PIEZO2: variants seen among roughly 807,000 people sequenced by gnomAD.
The protein encoded by PIEZO2 is piezo type mechanosensitive ion channel component 2, also known as piezo-type mechanosensitive ion channel component 2.
A neutral mutation model predicts 337.3 loss-of-function variants in PIEZO2; 172 were observed. That is an observed-to-expected ratio of 0.51 (90% CI 0.45 to 0.58). The LOEUF is 0.58. Among genes scored for constraint, PIEZO2 ranks in the 20% least tolerant of loss-of-function variants. The pLI, the probability that PIEZO2 is intolerant of heterozygous loss-of-function variation, is 0.00. For synonymous variants in PIEZO2, 1,251 were observed against 1,228.5 expected (o/e 1.02, Z -0.38); for missense variants, 3,028 against 3,391.3 (o/e 0.89, Z 2.66).
intron 27 of PIEZO2, among the ~76,000 whole-genome samples, chr18:10,756,420 G>T (rs2037852428): frequency 1.3e-5 from 2 of 148,822 alleles, no homozygotes; most frequent in Non-Finnish European, 3.0e-5. Context: ...AGAGGAGAAG[G>T]ATGGATGGAA....
chr18:10,854,893 A>G lies in PIEZO2; in HGVS notation c.917+460T>C, dbSNP rs1310142430. ...CATGCCCAGCTAATTTTTTTTGTAG[A>G]ATGGGGTTTCACCATGTTGCCCAGG... On this transcript the variant is annotated intron_variant, in intron 7 of 55. Coordinates refer to ENST00000674853, the MANE Select transcript of PIEZO2 (RefSeq NM_001378183.1). This position sits in a 1 kb window ranked among gnomAD's most constrained non-coding sequence, Gnocchi z 4.6. Among the ~76,000 whole-genome samples, 1 of 152,066 alleles carries G rather than the reference A, an allele frequency of 6.6e-6. No homozygotes were observed. The highest frequency in any genetic ancestry group is 1.9e-4 in the East Asian group (1 of 5,186).
At chr18:10,906,101 G>C (rs938156455) in intron 4 of PIEZO2, among the ~76,000 whole-genome samples, 6 of 152,134 alleles carry the variant, frequency 3.9e-5, no homozygotes, top group African/African-American at 1.4e-4. Context: ...AAAAGACAGA[G>C]CTAGGCCTTT....
intron 4 of PIEZO2, among the ~76,000 whole-genome samples, chr18:10,909,219 G>A (rs1056541152): frequency 2.0e-5 from 3 of 152,158 alleles, no homozygotes; most frequent in Non-Finnish European, 1.5e-5. Flanking sequence ...CATGAAATGA[G>A]GGATTAGAAT....
rs550501566 is a variant in PIEZO2, at chr18:11,021,145, A to G, written c.161-41485T>C. On this transcript the variant is annotated intron_variant, in intron 2 of 55. Transcript: ENST00000674853. The surrounding 1 kb of genome is among the most constrained non-coding windows in gnomAD (Gnocchi z 4.7). ...GACTATGATTCTCTTCCGTTACATC[A>G]TGAAAGAAACTCTAGTCATCTCCAC... is the stretch of plus-strand genomic sequence containing the variant. Among the ~76,000 whole-genome samples the G allele has an allele frequency of 6.6e-6, 1 of 152,296 alleles. No homozygotes were observed. The highest frequency in any genetic ancestry group is 2.1e-4 in the South Asian group (1 of 4,818).
In PIEZO2 at chr18:10,795,834, G is replaced by A. The variant is rs1322705867; in HGVS notation, c.1528-832C>T. Among the ~76,000 whole-genome samples, 3 of 152,168 alleles carry A rather than the reference G, an allele frequency of 2.0e-5. No homozygotes were observed. Among genetic ancestry groups the A allele is most frequent in the Non-Finnish European group, 4.4e-5 (3 of 68,036 alleles). On this transcript the variant is annotated intron_variant, in intron 12 of 55. Coordinates refer to ENST00000674853, the MANE Select transcript of PIEZO2 (RefSeq NM_001378183.1). The surrounding 1 kb of genome is among the most constrained non-coding windows in gnomAD (Gnocchi z 4.4). ...TCACTGTTGACCACAGAATTTGGAA[G>A]AGTTGTATTTTAAACAAGAATATTA... is the stretch of plus-strand genomic sequence containing the variant.
At chr18:10,692,151 G>A (rs142878691) in intron 47 of PIEZO2, among the ~76,000 whole-genome samples, 3 of 151,926 alleles carry the variant, frequency 2.0e-5, no homozygotes, top group East Asian at 1.9e-4. Flanking sequence ...AGGACTGCTA[G>A]CACAAGTTTG....
At chr18:11,084,010 C>G (rs1042722274) in intron 1 of PIEZO2, among the ~76,000 whole-genome samples, 2 of 151,940 alleles carry the variant, frequency 1.3e-5, no homozygotes, top group African/African-American at 2.4e-5. Context: ...AACCCTGTTT[C>G]TACTAAAAAT....
In PIEZO2 at chr18:11,129,595, C is replaced by G. The variant is rs540880571; in HGVS notation, c.64+18930G>C. 6.6e-6 allele frequency among the ~76,000 whole-genome samples: 1 copy of G among 152,256 alleles called. No homozygotes were observed. The highest frequency in any genetic ancestry group is 1.5e-5 in the Non-Finnish European group (1 of 68,028). Reference sequence around the variant, plus strand: ...TTGAGCCAGTTTATGCACCCAGAACCCCTTGAATGAAGGGGAGGCTGAGTC... The same window carrying G: ...TTGAGCCAGTTTATGCACCCAGAACGCCTTGAATGAAGGGGAGGCTGAGTC... On this transcript the variant is annotated intron_variant, in intron 1 of 55. Coordinates refer to ENST00000674853, the MANE Select transcript of PIEZO2 (RefSeq NM_001378183.1). The surrounding 1 kb of genome is among the most constrained non-coding windows in gnomAD (Gnocchi z 4.6).
At chr18:11,043,816 C>T (rs2660251) in intron 2 of PIEZO2, among the ~76,000 whole-genome samples, 30,545 of 151,718 alleles carry the variant, frequency 0.2, 3,181 homozygotes, top group East Asian at 0.37. Context: ...ACCATAGGCA[C>T]GTGCCATCAT....
At position 10,727,074 on chromosome 18, in the gene PIEZO2, GAGA is replaced by G. The variant is rs1344186345; in HGVS notation, c.5029+4330_5029+4332del. Reference sequence around the variant, plus strand: ...TGTTGGGAGGGCAGGAGCATTCCTTGAGAAGGAGTGGCAACATCAAAGGGTTTG... The same window carrying G: ...TGTTGGGAGGGCAGGAGCATTCCTTGAGGAGTGGCAACATCAAAGGGTTTG... On this transcript the variant is annotated intron_variant, in intron 36 of 55. Transcript: ENST00000674853. This position sits in a 1 kb window ranked among gnomAD's most constrained non-coding sequence, Gnocchi z 6.3. 3.8e-6 allele frequency: 2 copies of G among 526,694 alleles called. No individual in the cohort carries two copies. The highest frequency in any genetic ancestry group is 6.5e-6 in the Non-Finnish European group (2 of 305,578). 32.6% of individuals were successfully genotyped at this position (526,694 alleles called of 1,614,324 possible). A position where few individuals can be genotyped will look rare whatever the true frequency, so the allele number is the denominator to read the frequency against.
rs1223299147 is a variant in PIEZO2 at position 10,830,314 on chromosome 18, A to C, written c.918-23040T>G. ...ATCAAAATGAATTAAAGACTTAAAG[A>C]CCTCAAACTGTGAAACTACTGCAAG... On this transcript the variant is annotated intron_variant, in intron 7 of 55. Transcript: ENST00000674853. This position sits in a 1 kb window ranked among gnomAD's most constrained non-coding sequence, Gnocchi z 4.7. Among the ~76,000 whole-genome samples the C allele has an allele frequency of 6.6e-6, 1 of 152,196 alleles. No homozygotes were observed. Among genetic ancestry groups the C allele is most frequent in the African/African-American group, 2.4e-5 (1 of 41,444 alleles).
chr18:10,941,148 A>G (rs906247075), intron 3 of PIEZO2, among the ~76,000 whole-genome samples: 5 of 151,902 alleles, frequency 3.3e-5, no homozygotes, highest in Non-Finnish European at 5.9e-5. Flanking sequence ...TATCCCAACT[A>G]AAAAATGAAA....
chr18:10,809,381 C>G (rs189565608), intron 7 of PIEZO2, among the ~76,000 whole-genome samples: 1 of 146,000 alleles, frequency 6.8e-6, no homozygotes, highest in African/African-American at 2.5e-5. Context: ...AGCAATTCTT[C>G]TGCCTCAGCC....
Position 10,866,634 on chromosome 18 carries a change from T to C in PIEZO2, c.492+4619A>G, listed in dbSNP as rs536007704. Among the ~76,000 whole-genome samples the C allele has an allele frequency of 1.5e-3, 236 of 152,276 alleles. 2 individuals are homozygous for C. Among genetic ancestry groups the C allele is most frequent in the African/African-American group, 4.7e-3 (194 of 41,564 alleles). On this transcript the variant is annotated intron_variant, in intron 5 of 55. Coordinates refer to ENST00000674853, the MANE Select transcript of PIEZO2 (RefSeq NM_001378183.1). ...TCTCACTGACTGTCCCAAGGGCCTGTTCCACAGGTGTGTTGGTATCAGAGG... is the reference window on the plus strand; with the variant it reads ...TCTCACTGACTGTCCCAAGGGCCTGCTCCACAGGTGTGTTGGTATCAGAGG...
rs926108400 is a variant in PIEZO2 at position 10,878,090 on chromosome 18, C to T, written c.330-6675G>A. On this transcript the variant is annotated intron_variant, in intron 4 of 55. Coordinates refer to ENST00000674853, the MANE Select transcript of PIEZO2 (RefSeq NM_001378183.1). This position sits in a 1 kb window ranked among gnomAD's most constrained non-coding sequence, Gnocchi z 4.3. Reference sequence around the variant, plus strand: ...ACCCATTCCAGAATAGAATGGACCGCCATCCCTCCCACATCCTCCATCAGT... The same window carrying T: ...ACCCATTCCAGAATAGAATGGACCGTCATCCCTCCCACATCCTCCATCAGT... Among the ~76,000 whole-genome samples the T allele has an allele frequency of 6.6e-6, 1 of 152,150 alleles. No individual in the cohort carries two copies. Among genetic ancestry groups the T allele is most frequent in the Admixed American group, 6.5e-5 (1 of 15,276 alleles).
intron 4 of PIEZO2, among the ~76,000 whole-genome samples, chr18:10,902,001 G>A (rs1280284688): frequency 5.3e-5 from 8 of 152,086 alleles, no homozygotes; most frequent in Non-Finnish European, 8.8e-5. Context: ...TCCATAGCCT[G>A]TTAAGAGACG....
At position 10,781,407 on chromosome 18, in the gene PIEZO2, T is replaced by C. The variant is rs896725431; in HGVS notation, c.2493-1041A>G. On this transcript the variant is annotated intron_variant, in intron 17 of 55. Coordinates refer to ENST00000674853, the MANE Select transcript of PIEZO2 (RefSeq NM_001378183.1). The surrounding 1 kb of genome is among the most constrained non-coding windows in gnomAD (Gnocchi z 4.1). ...ATCACTTGAACCCAGGAGGTGGAGG[T>C]TGCAGTGAGCCGAGATGGCACCACT... 1.3e-5 allele frequency among the ~76,000 whole-genome samples: 2 copies of C among 151,872 alleles called. No individual in the cohort carries two copies. Among genetic ancestry groups the C allele is most frequent in the Non-Finnish European group, 2.9e-5 (2 of 67,976 alleles).
At chr18:10,770,579 TC>T (rs2038559745) in intron 20 of PIEZO2, among the ~76,000 whole-genome samples, 1 of 143,932 alleles carries the variant, frequency 6.9e-6, no homozygotes, top group South Asian at 2.1e-4. Context: ...TTATCTTCCT[TC>T]CTTCCTTCCT....
chr18:10,876,499 T>A (rs1365425491), intron 4 of PIEZO2, among the ~76,000 whole-genome samples: 1 of 152,216 alleles, frequency 6.6e-6, no homozygotes, highest in East Asian at 1.9e-4. Flanking sequence ...ATTATACACC[T>A]ACCTTCTCTA....
Sources: gnomAD v4.1 joint callset for allele counts (sites outside exome capture counted in the v4.1 genomes callset) on GRCh38, gnomAD v4.1.1 for gene constraint, Gnocchi (gnomAD v3.1) non-coding constraint, MANE v1.5 for transcripts, NCBI Gene and HGNC (gene_info 2026-07-23, HGNC 2026-07-21) for gene names.